MTR: variants seen among roughly 807,000 people sequenced by gnomAD.
The protein encoded by MTR is methionine synthase.
In MTR, 84 loss-of-function variants were observed where a neutral mutation model predicts 154.8. The ratio of observed to expected loss-of-function variants is 0.54; its 90% CI spans 0.45 to 0.65. MTR has a LOEUF of 0.65. Ranked by LOEUF, MTR falls within the 30% of genes least tolerant of loss-of-function variation. The pLI, the probability that MTR is intolerant of heterozygous loss-of-function variation, is 0.00. For missense variants in MTR, 1,275 were observed against 1,570.2 expected, an observed-to-expected ratio of 0.81 and a Z score of 3.18; for synonymous variants, 554 against 553.9, an observed-to-expected ratio of 1.00 and a Z score of 0.00.
At chr1:236,895,669 C>T (rs1287120103) in intron 31 of MTR, 119 bp downstream of exon 31, 3 of 1,030,580 alleles carry the variant, frequency 2.9e-6, no homozygotes, top group African/African-American at 1.7e-5. Context: ...TCACATTGTC[C>T]CTTATGCTGT....
rs535976995 is a variant in MTR at position 236,842,770 on chromosome 1, TA to T, written c.1515+4181del. Among the ~76,000 whole-genome samples, 693 of 106,804 alleles carry T rather than the reference TA, an allele frequency of 6.5e-3. 11 individuals are homozygous for T. Among genetic ancestry groups the T allele is most frequent in the African/African-American group, 0.026 (656 of 25,294 alleles). The allele number at this position is 106,804 out of a possible 152,430, so 70.1% of individuals were successfully genotyped here. On this transcript the variant is annotated intron_variant, in intron 15 of 32. Coordinates refer to ENST00000366577, the MANE Select transcript of MTR (RefSeq NM_000254.3). Reference sequence around the variant, plus strand: ...TTAGGGACAAAGGGAATAACAAATTTAAAAAAAAAAGATGTATATATATATA... The same window carrying T: ...TTAGGGACAAAGGGAATAACAAATTTAAAAAAAAAGATGTATATATATATA...
chr1:236,877,976 A>G (rs915701659), intron 24 of MTR, among the ~76,000 whole-genome samples: 14 of 152,166 alleles, frequency 9.2e-5, no homozygotes, highest in South Asian at 2.1e-4. Flanking sequence ...TTTCATTTAT[A>G]TATTGACCAT....
At chr1:236,815,042 C>T (rs920362975) in intron 6 of MTR, among the ~76,000 whole-genome samples, 1 of 152,188 alleles carries the variant, frequency 6.6e-6, no homozygotes, top group African/African-American at 2.4e-5. Context: ...CTGAACAGCA[C>T]AGAATGACAT....
At chr1:236,883,500 T>C (rs966270899) in intron 25 of MTR, among the ~76,000 whole-genome samples, 2 of 152,222 alleles carry the variant, frequency 1.3e-5, no homozygotes, top group African/African-American at 4.8e-5. Context: ...TTTTGCTTTC[T>C]CAGAGTGTAT....
chr1:236,820,561 C>A, intron 8 of MTR: 6 of 597,812 alleles, frequency 1.0e-5, no homozygotes, highest in East Asian at 3.0e-5. Flanking sequence ...GGAAATAAGG[C>A]TGATGGAAAA....
At chr1:236,813,352 A>G (rs1661412940) in intron 6 of MTR, among the ~76,000 whole-genome samples, 2 of 152,198 alleles carry the variant, frequency 1.3e-5, no homozygotes, top group Admixed American at 1.3e-4. Flanking sequence ...ATATCCTTAT[A>G]CATACGTTTT....
chr1:236,896,636 G>A (rs571059562), intron 31 of MTR, among the ~76,000 whole-genome samples: 4 of 152,276 alleles, frequency 2.6e-5, no homozygotes, highest in South Asian at 2.1e-4. Flanking sequence ...GCACAGAGCC[G>A]GTGGAGGCTG....
intron 29 of MTR, 80 bp downstream of exon 29, chr1:236,891,409 G>T (rs1214985417): frequency 2.1e-6 from 3 of 1,403,946 alleles, no homozygotes; most frequent in Non-Finnish European, 3.0e-6. Context: ...TTGCATAAAT[G>T]AGGGTCTGCT....
intron 16 of MTR, among the ~76,000 whole-genome samples, chr1:236,851,038 A>T (rs1663869914): frequency 6.6e-6 from 1 of 152,176 alleles, no homozygotes; most frequent in Non-Finnish European, 1.5e-5. Context: ...TTCTTCATAA[A>T]TTTATTGCTT....
In MTR at chr1:236,819,933, G is replaced by A. The variant is rs1275570969; in HGVS notation, c.764+3390G>A. 3 of 1,043,974 alleles carry A rather than the reference G, an allele frequency of 2.9e-6. No homozygotes were observed. In the African/African-American group the frequency reaches 4.7e-5, roughly 16 times the overall value. The allele number at this position is 1,043,974 out of a possible 1,614,324, so 64.7% of individuals were successfully genotyped here. ...TGCTGCCACTGGAGCCACTCCAGTT[G>A]CTGGCCGCTTCACTTCTGGAACCTT... On this transcript the variant is annotated intron_variant, in intron 8 of 32. Coordinates refer to ENST00000366577, the MANE Select transcript of MTR (RefSeq NM_000254.3).
chr1:236,831,281 T>G (rs1021603278), intron 12 of MTR, among the ~76,000 whole-genome samples: 28 of 152,338 alleles, frequency 1.8e-4, no homozygotes, highest in Non-Finnish European at 3.7e-4. Context: ...GTGTGATATA[T>G]CCACATGTAT....
intron 8 of MTR, chr1:236,819,926 T>TC (rs2103075090): frequency 9.9e-7 from 1 of 1,013,576 alleles, no homozygotes; most frequent in East Asian, 2.4e-5. Flanking sequence ...CTGGAGCCAC[T>TC]CCAGTTGCTG....
At chr1:236,884,155 C>T (rs1665896712) in intron 25 of MTR, among the ~76,000 whole-genome samples, 1 of 152,168 alleles carries the variant, frequency 6.6e-6, no homozygotes, top group Non-Finnish European at 1.5e-5. Context: ...AGCAGAAAGT[C>T]AGTGGACTAT....
chr1:236,884,634 C>A (rs144236490), intron 25 of MTR, among the ~76,000 whole-genome samples: 17 of 152,220 alleles, frequency 1.1e-4, no homozygotes, highest in Non-Finnish European at 2.2e-4. Flanking sequence ...ATGTAAGGAG[C>A]CTTGCCAACC....
At chr1:236,864,410 G>A (rs951763820) in intron 22 of MTR, among the ~76,000 whole-genome samples, 3 of 152,082 alleles carry the variant, frequency 2.0e-5, no homozygotes, top group African/African-American at 7.2e-5. Flanking sequence ...TGCCTTCAAG[G>A]CTCATTAAAT....
chr1:236,862,680 A>G (rs905910116), intron 21 of MTR, among the ~76,000 whole-genome samples: 4 of 152,168 alleles, frequency 2.6e-5, no homozygotes, highest in African/African-American at 7.2e-5. Flanking sequence ...TGCTCACTCA[A>G]AGGTCTGTCC....
At chr1:236,878,791 A>G (rs1665571893) in intron 24 of MTR, among the ~76,000 whole-genome samples, 1 of 152,210 alleles carries the variant, frequency 6.6e-6, no homozygotes, top group Admixed American at 6.5e-5. Context: ...CACACTGGGC[A>G]TAAAACAGGA....
At chr1:236,835,482 C>A in intron 13 of MTR, 65 bp from the exon 14 acceptor site, 1 of 1,590,682 alleles carries the variant, frequency 6.3e-7, no homozygotes, top group Non-Finnish European at 8.6e-7. Context: ...TAAGGAATTA[C>A]CTCATTAGCC....
chr1:236,801,083 C>T (rs369303028), intron 1 of MTR, among the ~76,000 whole-genome samples: 4 of 152,290 alleles, frequency 2.6e-5, no homozygotes, highest in African/African-American at 9.6e-5. Context: ...TTTACCGTGT[C>T]GACTATAGCT....
Sources: allele counts gnomAD v4.1 joint callset (sites outside exome capture counted in the v4.1 genomes callset), GRCh38; gene constraint gnomAD v4.1.1; transcripts MANE v1.5; gene names NCBI Gene and HGNC (gene_info 2026-07-23, HGNC 2026-07-21).